The following PLAAT3 variants were observed in gnomAD, a reference collection of about 807,000 sequenced individuals.
PLAAT3 encodes the protein Ca-independent phospholipase A1/2.
PLAAT3 carries 21 observed loss-of-function variants against 16.7 expected under a neutral mutation model. The observed-to-expected ratio is 1.26, with a 90% CI of 0.89 to 1.81. The LOEUF (loss-of-function observed/expected upper bound fraction) is 1.81, where lower values mean the gene tolerates loss of function less well. PLAAT3 is among the 40% of genes most tolerant of loss of function. The pLI is 0.00. For synonymous variants in PLAAT3, 76 were observed against 81.7 expected (o/e 0.93, Z 0.38); for missense variants, 219 against 213.7 (o/e 1.02, Z -0.16).
chr11:63,595,455 G>A (rs1037160790), intron 3 of PLAAT3, among the ~76,000 whole-genome samples: 1 of 152,160 alleles, frequency 6.6e-6, no homozygotes, highest in African/African-American at 2.4e-5. Context: ...ACAGCAGCAT[G>A]GATGACTCAC....
intron 3 of PLAAT3, among the ~76,000 whole-genome samples, chr11:63,595,000 A>T (rs570932418): frequency 3.3e-5 from 5 of 152,064 alleles, no homozygotes; most frequent in East Asian, 1.9e-4. Context: ...TGCAAAAGAC[A>T]TGTTCAAGGG....
At chr11:63,576,954 G>T (rs959425270) in intron 4 of PLAAT3, among the ~76,000 whole-genome samples, 1 of 152,102 alleles carries the variant, frequency 6.6e-6, no homozygotes, top group Non-Finnish European at 1.5e-5. Context: ...ATGCTTTAAG[G>T]AATCTAAAAT....
intron 2 of PLAAT3, 23 bp downstream of exon 2, chr11:63,613,975 CAG>C: frequency 3.4e-6 from 5 of 1,466,700 alleles, no homozygotes; most frequent in Non-Finnish European, 4.8e-6. Flanking sequence ...CAGCCCCGCC[CAG>C]CCCCGCCTCG....
chr11:63,587,334 A>G (rs1565249230), intron 4 of PLAAT3, among the ~76,000 whole-genome samples: 1 of 152,276 alleles, frequency 6.6e-6, no homozygotes, highest in Non-Finnish European at 1.5e-5. Context: ...GAAAAAATAG[A>G]TCACATACAA....
At chr11:63,604,876 A>G (rs1938517812) in intron 2 of PLAAT3, among the ~76,000 whole-genome samples, 1 of 152,228 alleles carries the variant, frequency 6.6e-6, no homozygotes, top group African/African-American at 2.4e-5. Context: ...TACAATCACT[A>G]TCATGTAAAA....
chr11:63,611,778 T>A (rs1322723226), intron 2 of PLAAT3, among the ~76,000 whole-genome samples: 2 of 152,260 alleles, frequency 1.3e-5, no homozygotes, highest in African/African-American at 4.8e-5. Context: ...CAAGGTTCAC[T>A]ATCACTCAGC....
At chr11:63,580,902 T>C (rs1366651232) in intron 4 of PLAAT3, among the ~76,000 whole-genome samples, 1 of 152,234 alleles carries the variant, frequency 6.6e-6, no homozygotes, top group Non-Finnish European at 1.5e-5. Context: ...CAGAAGAACA[T>C]AAATTGTTAA....
rs1440008498 is a variant in PLAAT3 at position 63,590,092 on chromosome 11, G to A, written c.387+8C>T. On this transcript the variant is annotated splice_region_variant and intron_variant, in intron 4 of 4. Coordinates refer to ENST00000415826, the MANE Select transcript of PLAAT3 (RefSeq NM_001128203.2). ...TCCTGGGGAAGGCGACACAGGCAGA[G>A]GACGCACCTGGTCACTGCGGGCGAC... The A allele has an allele frequency of 1.5e-5, 24 of 1,610,964 alleles. No homozygotes were observed. The highest frequency in any genetic ancestry group is 2.2e-5 in the East Asian group (1 of 44,838).
At chr11:63,604,394 T>C (rs1416041692) in intron 2 of PLAAT3, among the ~76,000 whole-genome samples, 1 of 152,126 alleles carries the variant, frequency 6.6e-6, no homozygotes, top group Non-Finnish European at 1.5e-5. Context: ...AGTTTTTAAG[T>C]TGGGAAATGT....
At chr11:63,609,580 C>T (rs1364331655) in intron 2 of PLAAT3, among the ~76,000 whole-genome samples, 1 of 152,232 alleles carries the variant, frequency 6.6e-6, no homozygotes, top group Non-Finnish European at 1.5e-5. Flanking sequence ...CCCCATGCCG[C>T]ACGCAGGCTG....
rs111323618 is a variant in PLAAT3 at position 63,590,542 on chromosome 11, C to A, written c.119-174G>T. Among the ~76,000 whole-genome samples, 41 of 152,258 alleles carry A rather than the reference C, an allele frequency of 2.7e-4. 1 individual carries two copies. The highest frequency in any genetic ancestry group is 9.1e-4 in the African/African-American group (38 of 41,558). ...GGGGAAGGTGTGTGTGGTCTCTGGG[C>A]CCTGGTTTCCTTATCTAAAATGAAA... On this transcript the variant is annotated intron_variant, in intron 3 of 4. Transcript: ENST00000415826.
chr11:63,574,605 G>T lies in PLAAT3; in HGVS notation c.*340C>A. 4.7e-6 allele frequency: 1 copy of T among 214,442 alleles called. No homozygotes were observed. Among genetic ancestry groups the T allele is most frequent in the Non-Finnish European group, 9.3e-6 (1 of 107,904 alleles). The allele number at this position is 214,442 out of a possible 1,614,324, so 13.3% of individuals were successfully genotyped here. On this transcript the variant is annotated 3_prime_UTR_variant, in exon 5 of 5. Transcript: ENST00000415826. The stretch of plus-strand genomic sequence containing the variant: ...TATTATGTCTTTCTGTCTCCCTTCC[G>T]CCCCGCATGTATCCTGACGACCAGA...
intron 4 of PLAAT3, among the ~76,000 whole-genome samples, chr11:63,577,266 G>A (rs1400672117): frequency 6.6e-6 from 1 of 151,714 alleles, no homozygotes; most frequent in Non-Finnish European, 1.5e-5. Context: ...CCACCTTCCA[G>A]TTTCAAGTGG....
chr11:63,612,242 G>A (rs1938712732), intron 2 of PLAAT3, among the ~76,000 whole-genome samples: 1 of 152,110 alleles, frequency 6.6e-6, no homozygotes, highest in South Asian at 2.1e-4. Context: ...AAACTCCTAG[G>A]CTCAAGTGAT....
intron 4 of PLAAT3, among the ~76,000 whole-genome samples, chr11:63,584,697 AGACGGG>A (rs1937919606): frequency 6.6e-6 from 1 of 151,832 alleles, no homozygotes. Flanking sequence ...TTTATAGTAG[AGACGGG>A]GTTTCACCAG....
chr11:63,591,856 C>T (rs1383256795), intron 3 of PLAAT3, among the ~76,000 whole-genome samples: 2 of 152,194 alleles, frequency 1.3e-5, no homozygotes, highest in African/African-American at 2.4e-5. Context: ...TGGGTGACAG[C>T]GCAGGGACTC....
intron 4 of PLAAT3, 100 bp downstream of exon 4, chr11:63,590,000 G>T: frequency 4.8e-6 from 5 of 1,035,634 alleles, no homozygotes; most frequent in Non-Finnish European, 6.9e-6. Context: ...TTCTGTCTCT[G>T]CTATTTTGTC....
upstream of PLAAT3, among the ~76,000 whole-genome samples, chr11:63,615,292 A>G (rs1449094776): frequency 1.9e-5 from 2 of 103,232 alleles, 1 homozygote; most frequent in Admixed American, 2.3e-4. Flanking sequence ...ATATGTGTAT[A>G]TATATGTGTG....
intron 4 of PLAAT3, among the ~76,000 whole-genome samples, chr11:63,576,617 A>T (rs1016134027): frequency 1.3e-5 from 2 of 152,240 alleles, no homozygotes; most frequent in African/African-American, 4.8e-5. Flanking sequence ...AGCAAGAATG[A>T]GGTGAGGTAC....
Sources: allele counts gnomAD v4.1 joint callset (sites outside exome capture counted in the v4.1 genomes callset), GRCh38; gene constraint gnomAD v4.1.1; transcripts MANE v1.5; gene names NCBI Gene and HGNC (gene_info 2026-07-23, HGNC 2026-07-21).